The following MAP3K5 variants were observed in gnomAD, a reference collection of about 807,000 sequenced individuals.
MAP3K5 encodes the protein ASK-1.
A neutral mutation model predicts 158.7 loss-of-function variants in MAP3K5; 56 were observed. The observed-to-expected ratio is 0.35, with a 90% CI of 0.28 to 0.44. The LOEUF is 0.44. Ranked by LOEUF, MAP3K5 falls within the 20% of genes least tolerant of loss-of-function variation. MAP3K5 has a pLI of 1.00. For synonymous variants in MAP3K5, 579 were observed against 601.7 expected (o/e 0.96, Z 0.55); for missense variants, 1,294 against 1,674.8 (o/e 0.77, Z 3.97).
At chr6:136,688,130 G>T (rs972379148) in intron 7 of MAP3K5, among the ~76,000 whole-genome samples, 1 of 152,162 alleles carries the variant, frequency 6.6e-6, no homozygotes, top group Non-Finnish European at 1.5e-5. Context: ...GTACATGGAT[G>T]AAGCTGGAAA....
At chr6:136,648,524 CATGCTTATT>C (rs1778372729) in intron 11 of MAP3K5, among the ~76,000 whole-genome samples, 1 of 152,136 alleles carries the variant, frequency 6.6e-6, no homozygotes, top group Admixed American at 6.6e-5. Context: ...TGTTTTTCTC[CATGCTTATT>C]ATGTAATTTC....
intron 1 of MAP3K5, among the ~76,000 whole-genome samples, chr6:136,726,912 T>C (rs1781993895): frequency 6.6e-6 from 1 of 152,188 alleles, no homozygotes; most frequent in African/African-American, 2.4e-5. Context: ...GACAGTCACG[T>C]AATCTGCAAC....
At chr6:136,756,523 A>G (rs1036336012) in intron 1 of MAP3K5, among the ~76,000 whole-genome samples, 3 of 152,082 alleles carry the variant, frequency 2.0e-5, no homozygotes, top group Non-Finnish European at 2.9e-5. Flanking sequence ...ATCTCGGCTC[A>G]CTGCAACCTC....
chr6:136,692,292 G>A (rs1339883288), intron 7 of MAP3K5, among the ~76,000 whole-genome samples: 1 of 152,076 alleles, frequency 6.6e-6, no homozygotes, highest in Non-Finnish European at 1.5e-5. Context: ...TTAAGAGTAT[G>A]TAGTTTTTTA....
intron 1 of MAP3K5, among the ~76,000 whole-genome samples, chr6:136,782,357 C>A (rs1257210290): frequency 6.6e-6 from 1 of 151,358 alleles, no homozygotes; most frequent in African/African-American, 2.4e-5. Flanking sequence ...AGAGAGAATT[C>A]TCTGGCTTAG....
At chr6:136,653,798 G>T (rs1043229270) in intron 10 of MAP3K5, among the ~76,000 whole-genome samples, 1 of 152,184 alleles carries the variant, frequency 6.6e-6, no homozygotes, top group Non-Finnish European at 1.5e-5. Flanking sequence ...CTTCTTGGTA[G>T]ACTGGCATTT....
At chr6:136,589,618 AGG>A (rs1399822231) in intron 23 of MAP3K5, among the ~76,000 whole-genome samples, 2 of 152,178 alleles carry the variant, frequency 1.3e-5, no homozygotes, top group East Asian at 3.9e-4. Flanking sequence ...GGGCCTCAAA[AGG>A]GATAATTAGG....
intron 28 of MAP3K5, among the ~76,000 whole-genome samples, chr6:136,559,549 T>C (rs757218556): frequency 7.2e-5 from 11 of 152,242 alleles, no homozygotes; most frequent in Non-Finnish European, 1.0e-4. Flanking sequence ...AGCTTTGTTT[T>C]TCCTCAAGTG....
intron 1 of MAP3K5, among the ~76,000 whole-genome samples, chr6:136,764,360 T>C (rs1278329228): frequency 1.3e-5 from 2 of 152,226 alleles, no homozygotes; most frequent in Non-Finnish European, 2.9e-5. Flanking sequence ...GTCCTTCTTC[T>C]TGGAACATTC....
chr6:136,618,407 C>T (rs1022144978), intron 15 of MAP3K5, among the ~76,000 whole-genome samples: 69 of 152,176 alleles, frequency 4.5e-4, no homozygotes, highest in Admixed American at 2.0e-4. Flanking sequence ...ATCACATATA[C>T]CAACTGCATT....
At chr6:136,625,613 T>C (rs1259616034) in intron 14 of MAP3K5, among the ~76,000 whole-genome samples, 1 of 152,232 alleles carries the variant, frequency 6.6e-6, no homozygotes, top group African/African-American at 2.4e-5. Context: ...ACACTTATTA[T>C]AATACTCATA....
intron 1 of MAP3K5, among the ~76,000 whole-genome samples, chr6:136,747,415 G>A (rs996874237): frequency 1.3e-5 from 2 of 152,190 alleles, no homozygotes; most frequent in Non-Finnish European, 2.9e-5. Flanking sequence ...GCCAAAGAAT[G>A]TACAGGGAGC....
intron 11 of MAP3K5, among the ~76,000 whole-genome samples, chr6:136,649,704 A>C (rs1778433223): frequency 6.6e-6 from 1 of 152,214 alleles, no homozygotes; most frequent in Non-Finnish European, 1.5e-5. Context: ...AGTCCACATA[A>C]TATGCACACT....
At chr6:136,765,679 ATTT>A (rs780589836) in intron 1 of MAP3K5, among the ~76,000 whole-genome samples, 2 of 120,012 alleles carry the variant, frequency 1.7e-5, no homozygotes, top group East Asian at 2.3e-4. Flanking sequence ...TGCCTGGCTA[ATTT>A]TTTTTTTTTT....
intron 14 of MAP3K5, among the ~76,000 whole-genome samples, chr6:136,631,179 G>C (rs1777334033): frequency 6.6e-6 from 1 of 152,164 alleles, no homozygotes; most frequent in African/African-American, 2.4e-5. Flanking sequence ...GCAGGCCCCT[G>C]ACCATTGAAC....
intron 2 of MAP3K5, among the ~76,000 whole-genome samples, chr6:136,719,939 C>T (rs771480026): frequency 1.3e-5 from 2 of 152,142 alleles, no homozygotes; most frequent in Non-Finnish European, 2.9e-5. Context: ...AGAATGACAT[C>T]GAGACAGGTT....
At chr6:136,734,777 A>G (rs1782385001) in intron 1 of MAP3K5, among the ~76,000 whole-genome samples, 1 of 152,176 alleles carries the variant, frequency 6.6e-6, no homozygotes, top group African/African-American at 2.4e-5. Context: ...TCATTCATTT[A>G]TGCTTCAGTG....
At chr6:136,756,140 C>G (rs1386087448) in intron 1 of MAP3K5, among the ~76,000 whole-genome samples, 1 of 148,448 alleles carries the variant, frequency 6.7e-6, no homozygotes, top group Non-Finnish European at 1.5e-5. Context: ...AACCCCGCCT[C>G]TACAGAAAAA....
intron 1 of MAP3K5, among the ~76,000 whole-genome samples, chr6:136,731,663 T>C (rs1169156088): frequency 6.6e-6 from 1 of 151,454 alleles, no homozygotes; most frequent in Non-Finnish European, 1.5e-5. Flanking sequence ...GCAGGGGAGG[T>C]GAGGGACAAA....
Sources: allele counts gnomAD v4.1 joint callset (sites outside exome capture counted in the v4.1 genomes callset), GRCh38; gene constraint gnomAD v4.1.1; transcripts MANE v1.5; gene names NCBI Gene and HGNC (gene_info 2026-07-23, HGNC 2026-07-21).